The following DENND2B variants were observed in gnomAD, a reference collection of about 807,000 sequenced individuals.
DENND2B encodes the protein DENN domain-containing protein 2B.
Under a neutral mutation model 116.0 loss-of-function variants are expected in DENND2B, and 32 were observed. That is an observed-to-expected ratio of 0.28 (90% CI 0.21 to 0.37). The LOEUF (loss-of-function observed/expected upper bound fraction) is 0.37. Among genes scored for constraint, DENND2B ranks in the 10% least tolerant of loss-of-function variants. The probability of loss-of-function intolerance (pLI) is 1.00; values close to 1 mark genes in which losing one functional copy is unlikely to be tolerated. For missense variants in DENND2B, 1,276 were observed against 1,477.7 expected, an observed-to-expected ratio of 0.86 and a Z score of 2.24; for synonymous variants, 588 against 583.9, an observed-to-expected ratio of 1.01 and a Z score of -0.10.
At chr11:8,866,223 T>C (rs2134693619) in intron 2 of DENND2B, among the ~76,000 whole-genome samples, 1 of 152,338 alleles carries the variant, frequency 6.6e-6, no homozygotes, top group Admixed American at 6.5e-5. Context: ...CCTCCCAAAG[T>C]GCTGGGATTA....
intron 1 of DENND2B, among the ~76,000 whole-genome samples, chr11:8,802,219 T>C (rs2060413022): frequency 6.6e-6 from 1 of 150,910 alleles, no homozygotes; most frequent in Non-Finnish European, 1.5e-5. Context: ...GAGAATCACT[T>C]GAACCCAGGA....
At chr11:8,828,547 T>G (rs2062067491) in intron 4 of DENND2B, among the ~76,000 whole-genome samples, 1 of 152,144 alleles carries the variant, frequency 6.6e-6, no homozygotes, top group Non-Finnish European at 1.5e-5. Context: ...CGTTCCTTTC[T>G]TCCACCATGA....
At chr11:8,829,260 C>T (rs145017055) in intron 4 of DENND2B, among the ~76,000 whole-genome samples, 114 of 151,912 alleles carry the variant, frequency 7.5e-4, no homozygotes, top group African/African-American at 2.0e-3. Flanking sequence ...GAGTGGGTGA[C>T]ACATCAGAGC....
At chr11:8,727,958 TACACAAACACACAC>T (rs1592795689) in intron 3 of DENND2B, among the ~76,000 whole-genome samples, 1 of 117,980 alleles carries the variant, frequency 8.5e-6, no homozygotes, top group African/African-American at 3.3e-5. Context: ...GCTTGCATTT[TACACAAACACACAC>T]ACACACACAC....
chr11:8,785,111 C>G (rs2058775641), intron 1 of DENND2B: 1 of 152,114 alleles, frequency 6.6e-6, no homozygotes, highest in Non-Finnish European at 1.5e-5. Context: ...TAAGATGCCA[C>G]GGGTGTCCAT....
intron 2 of DENND2B, among the ~76,000 whole-genome samples, chr11:8,738,345 C>T (rs2049492892): frequency 6.6e-6 from 1 of 152,216 alleles, no homozygotes; most frequent in South Asian, 2.1e-4. Context: ...ATGCTCTTCT[C>T]AGTCGGTTTC....
chr11:8,731,284 T>C (rs1329097162), intron 2 of DENND2B, 75 bp from the exon 3 acceptor site: 2 of 1,348,338 alleles, frequency 1.5e-6, no homozygotes, highest in South Asian at 1.6e-5. Flanking sequence ...GCATCCTGTT[T>C]TATTCTTACA....
At chr11:8,838,566 C>T (rs1424051566) in intron 4 of DENND2B, among the ~76,000 whole-genome samples, 1 of 152,114 alleles carries the variant, frequency 6.6e-6, no homozygotes, top group Non-Finnish European at 1.5e-5. Context: ...GTGACCTATG[C>T]CAGAGAGGAA....
chr11:8,772,128 T>TACAC (rs143227157), intron 1 of DENND2B, among the ~76,000 whole-genome samples: 6,323 of 147,184 alleles, frequency 0.043, 179 homozygotes, highest in African/African-American at 0.08. Flanking sequence ...ATGGAAGCTC[T>TACAC]ACACACACAC....
intron 1 of DENND2B, among the ~76,000 whole-genome samples, chr11:8,886,258 CT>C (rs1389055508): frequency 6.6e-6 from 1 of 152,170 alleles, no homozygotes; most frequent in Non-Finnish European, 1.5e-5. Flanking sequence ...CTGAGTACAT[CT>C]TATTAGGTTA....
At chr11:8,862,804 C>T (rs2063442136) in intron 2 of DENND2B, among the ~76,000 whole-genome samples, 1 of 151,898 alleles carries the variant, frequency 6.6e-6, no homozygotes, top group South Asian at 2.1e-4. Context: ...CAAGTCTGAG[C>T]CTCATATCCT....
intron 2 of DENND2B, among the ~76,000 whole-genome samples, chr11:8,858,037 C>A (rs2063257077): frequency 6.6e-6 from 1 of 152,206 alleles, no homozygotes; most frequent in Non-Finnish European, 1.5e-5. Context: ...ATTCATTCAA[C>A]CAAGATTTCT....
intron 4 of DENND2B, among the ~76,000 whole-genome samples, chr11:8,719,653 T>C (rs919808983): frequency 2.0e-5 from 3 of 151,986 alleles, no homozygotes; most frequent in African/African-American, 7.3e-5. Flanking sequence ...CTTAGGGAGG[T>C]GTTGGGGATG....
chr11:8,702,828 C>A lies in DENND2B; in HGVS notation c.2572-108G>T. The A allele has an allele frequency of 7.1e-7, 1 of 1,398,922 alleles. No individual in the cohort carries two copies. The highest frequency in any genetic ancestry group is 1.3e-5 in the South Asian group (1 of 77,470). The allele number at this position is 1,398,922 out of a possible 1,614,324, so 86.7% of individuals were successfully genotyped here. On this transcript the variant is annotated intron_variant, in intron 13 of 19. Coordinates refer to ENST00000313726, the MANE Select transcript of DENND2B (RefSeq NM_213618.2). The surrounding 1 kb of genome is among the most constrained non-coding windows in gnomAD (Gnocchi z 4.6). ...CTTTCCCCTTCCAACCTGCTCTTTT[C>A]CAGGTCTCTCGTCTACCCTGCTATG... is the stretch of plus-strand genomic sequence containing the variant.
At chr11:8,722,420 A>T (rs2046346149) in intron 4 of DENND2B, among the ~76,000 whole-genome samples, 1 of 152,210 alleles carries the variant, frequency 6.6e-6, no homozygotes, top group African/African-American at 2.4e-5. Context: ...CAGCGGGGTC[A>T]GAGTCATCCT....
At chr11:8,803,472 C>A (rs1001989213) in intron 1 of DENND2B, among the ~76,000 whole-genome samples, 1 of 152,166 alleles carries the variant, frequency 6.6e-6, no homozygotes, top group Non-Finnish European at 1.5e-5. Context: ...CTAGAGAAGT[C>A]AAGTTACTTC....
intron 1 of DENND2B, among the ~76,000 whole-genome samples, chr11:8,782,222 T>C (rs1593613328): frequency 6.6e-6 from 1 of 152,182 alleles, no homozygotes; most frequent in South Asian, 2.1e-4. Flanking sequence ...TAGAAATGAC[T>C]TTGAATGAAA....
intron 2 of DENND2B, among the ~76,000 whole-genome samples, chr11:8,745,497 G>A (rs906767365): frequency 3.9e-5 from 6 of 152,152 alleles, no homozygotes; most frequent in Non-Finnish European, 7.3e-5. Flanking sequence ...GCAATCAGAG[G>A]GCAGACTGTA....
At chr11:8,838,851 T>C (rs1432537060) in intron 4 of DENND2B, among the ~76,000 whole-genome samples, 1 of 152,110 alleles carries the variant, frequency 6.6e-6, no homozygotes, top group African/African-American at 2.4e-5. Context: ...ACACAAAAAG[T>C]GCTCACCAAC....
Sources: allele counts gnomAD v4.1 joint callset (sites outside exome capture counted in the v4.1 genomes callset), GRCh38; gene constraint gnomAD v4.1.1; non-coding constraint Gnocchi (gnomAD v3.1); transcripts MANE v1.5; gene names NCBI Gene and HGNC (gene_info 2026-07-23, HGNC 2026-07-21).